WDR43: variants seen among roughly 807,000 people sequenced by gnomAD.
WDR43 encodes WD repeat domain 43.
Under a neutral mutation model 91.4 loss-of-function variants are expected in WDR43, and 13 were observed. The ratio of observed to expected loss-of-function variants is 0.14; its 90% CI spans 0.09 to 0.23. The LOEUF is 0.23. WDR43 is among the 10% of genes least tolerant of loss of function. The pLI, the probability that WDR43 is intolerant of heterozygous loss-of-function variation, is 1.00. For synonymous variants in WDR43, 331 were observed against 287.9 expected, an observed-to-expected ratio of 1.15 and a Z score of -1.51; for missense variants, 780 against 809.4, an observed-to-expected ratio of 0.96 and a Z score of 0.44.
chr2:28,896,229 G>A (rs1373576553), intron 1 of WDR43, among the ~76,000 whole-genome samples: 3 of 152,176 alleles, frequency 2.0e-5, no homozygotes, highest in Non-Finnish European at 4.4e-5. Flanking sequence ...ACGGAGCAGT[G>A]GTTAGGTAGG....
chr2:28,925,011 G>A lies in WDR43; in HGVS notation c.944G>A (p.Cys315Tyr), dbSNP rs1239563378. The A allele has an allele frequency of 6.2e-7, 1 of 1,613,166 alleles. No individual in the cohort carries two copies. Among genetic ancestry groups the A allele is most frequent in the South Asian group, 1.1e-5 (1 of 90,916 alleles). ...GYCKKPLTSNCTIQIATPGKG... is the reference protein window; with the variant it reads ...GYCKKPLTSNYTIQIATPGKG... ...TGCAAAAAGCCTTTGACTTCAAACT[G>A]CACAATTCAGATAGCAACACCTGGG... The change falls in exon 8 of 18, where the codon TGC becomes TAC. Residue 315 changes from cysteine to tyrosine, a missense_variant. This residue lies in a region of WDR43 where 426 missense variants were observed against 467.8 expected (regional missense o/e 0.91). Transcript: ENST00000407426.
At chr2:28,927,853 T>C in intron 10 of WDR43, 153 bp downstream of exon 10, 1 of 1,067,160 alleles carries the variant, frequency 9.4e-7, no homozygotes, top group South Asian at 1.8e-5. Flanking sequence ...CATCATAGAT[T>C]TCATAATTCT....
chr2:28,911,298 CTTTT>C (rs11384391), intron 3 of WDR43, among the ~76,000 whole-genome samples: 1 of 145,094 alleles, frequency 6.9e-6, no homozygotes. Context: ...TTAATAACCT[CTTTT>C]TTTTTTTTTG....
intron 1 of WDR43, among the ~76,000 whole-genome samples, chr2:28,901,446 T>A (rs1173523623): frequency 6.6e-6 from 1 of 152,238 alleles, no homozygotes; most frequent in East Asian, 1.9e-4. Context: ...GCTGCTCTAC[T>A]AGTTAAAGCT....
chr2:28,905,559 C>G (rs1670662725), intron 2 of WDR43, among the ~76,000 whole-genome samples: 2 of 151,848 alleles, frequency 1.3e-5, no homozygotes, highest in Non-Finnish European at 2.9e-5. Context: ...TGATTTTTAC[C>G]TTAAATGCTG....
intron 3 of WDR43, among the ~76,000 whole-genome samples, chr2:28,910,939 G>A (rs1572584982): frequency 6.6e-6 from 1 of 151,826 alleles, no homozygotes. Context: ...CTCAAGTGAT[G>A]CACCTGCCTT....
intron 11 of WDR43, among the ~76,000 whole-genome samples, chr2:28,930,938 C>G (rs1572598810): frequency 6.6e-6 from 1 of 152,106 alleles, no homozygotes; most frequent in East Asian, 1.9e-4. Flanking sequence ...CATAAATATG[C>G]CCCATTCAAC....
rs1408920819 is a variant in WDR43 at position 28,894,836 on chromosome 2, C to T, written c.138C>T (p.Asn46=). 3.1e-6 allele frequency: 5 copies of T among 1,611,100 alleles called. No homozygotes were observed. Among genetic ancestry groups the T allele is most frequent in the African/African-American group, 2.7e-5 (2 of 74,916 alleles). Residue 46 remains asparagine, a synonymous_variant, in exon 1 of 18, where the codon AAC becomes AAT. Transcript: ENST00000407426. The stretch of plus-strand genomic sequence containing the variant: ...TACGAGTATGGGAGACGGCCAACAA[C>T]CGGCTGCACCAGGAGTACGTGCCTT... ...GHLRVWETAN[N]RLHQEYVPSA... is the part of the protein sequence containing the mutation.
At position 28,946,895 on chromosome 2, in the gene WDR43, GTGGATC is replaced by G; in HGVS notation, c.*117_*122del. 8.1e-7 allele frequency: 1 copy of G among 1,236,698 alleles called. No individual in the cohort carries two copies. The highest frequency in any genetic ancestry group is 1.6e-5 in the South Asian group (1 of 61,986). 76.6% of individuals were successfully genotyped at this position (1,236,698 alleles called of 1,614,324 possible). On this transcript the variant is annotated 3_prime_UTR_variant, in exon 18 of 18. Coordinates refer to ENST00000407426, the MANE Select transcript of WDR43 (RefSeq NM_015131.3). ...GCTGCACATTTCCAAATTCACAGCA[GTGGATC>G]CCATGCCACTTTGCTGTCCTGAGCA...
chr2:28,923,897 A>C (rs1671081801), intron 7 of WDR43, among the ~76,000 whole-genome samples: 1 of 152,094 alleles, frequency 6.6e-6, no homozygotes, highest in East Asian at 1.9e-4. Context: ...CAAGCAGAGG[A>C]TTCGATGAGC....
chr2:28,942,819 G>A (rs1383858883), intron 16 of WDR43, among the ~76,000 whole-genome samples: 1 of 151,752 alleles, frequency 6.6e-6, no homozygotes, highest in East Asian at 1.9e-4. Context: ...GTTTCACTAT[G>A]TTGCCCAGGA....
Position 28,947,875 on chromosome 2 carries a change from T to G in WDR43, c.*1096T>G, listed in dbSNP as rs1188706786. 3 of 149,400 alleles carry G rather than the reference T, an allele frequency of 2.0e-5. No homozygotes were observed. Among genetic ancestry groups the G allele is most frequent in the African/African-American group, 7.3e-5 (3 of 41,028 alleles). 9.3% of individuals were successfully genotyped at this position (149,400 alleles called of 1,614,324 possible). On this transcript the variant is annotated 3_prime_UTR_variant, in exon 18 of 18. Coordinates refer to ENST00000407426, the MANE Select transcript of WDR43 (RefSeq NM_015131.3). ...AATTATCAGTAGTAGTTTTTTTTTTTTTTTTTTTTTTTTTAAAGAATGAGC... is the reference window on the plus strand; with the variant it reads ...AATTATCAGTAGTAGTTTTTTTTTTGTTTTTTTTTTTTTTAAAGAATGAGC...
intron 14 of WDR43, among the ~76,000 whole-genome samples, chr2:28,939,282 C>A (rs62132028): frequency 6.6e-6 from 1 of 151,924 alleles, no homozygotes; most frequent in African/African-American, 2.4e-5. Context: ...CAGCAGACAT[C>A]GGATCTTAGG....
intron 8 of WDR43, among the ~76,000 whole-genome samples, chr2:28,926,199 T>C (rs908955809): frequency 1.3e-5 from 2 of 152,184 alleles, no homozygotes; most frequent in East Asian, 1.9e-4. Flanking sequence ...AAAAAATAAA[T>C]GTGAAAAATT....
At chr2:28,898,688 G>T (rs1670525979) in intron 1 of WDR43, among the ~76,000 whole-genome samples, 1 of 151,684 alleles carries the variant, frequency 6.6e-6, no homozygotes, top group Non-Finnish European at 1.5e-5. Flanking sequence ...TTAGTGGATT[G>T]TAACATTAAA....
At position 28,947,803 on chromosome 2, in the gene WDR43, T is replaced by G. The variant is rs1671574017; in HGVS notation, c.*1024T>G. On this transcript the variant is annotated 3_prime_UTR_variant, in exon 18 of 18. Transcript: ENST00000407426. ...TAAAATGATAAGTCTCACTCAAGAT[T>G]TTTTATGTATGTATAAATATTTTGG... is the stretch of plus-strand genomic sequence containing the variant. 1 of 151,754 alleles carries G rather than the reference T, an allele frequency of 6.6e-6. No individual in the cohort carries two copies. The highest frequency in any genetic ancestry group is 6.6e-5 in the Admixed American group (1 of 15,232). The allele number at this position is 151,754 out of a possible 1,614,324, so 9.4% of individuals were successfully genotyped here.
At chr2:28,937,110 G>GT (rs1158392097) in intron 13 of WDR43, among the ~76,000 whole-genome samples, 157 bp downstream of exon 13, 1 of 152,004 alleles carries the variant, frequency 6.6e-6, no homozygotes, top group Non-Finnish European at 1.5e-5. Context: ...TATTCTTAGC[G>GT]TTTTATTATA....
chr2:28,920,197 AAAAAT>A (rs1411269590), intron 6 of WDR43, among the ~76,000 whole-genome samples: 1 of 150,154 alleles, frequency 6.7e-6, no homozygotes, highest in Non-Finnish European at 1.5e-5. Context: ...GACTTTCTGA[AAAAAT>A]AAAAATAAAT....
intron 11 of WDR43, among the ~76,000 whole-genome samples, chr2:28,932,530 A>G (rs1471608918): frequency 6.6e-6 from 1 of 152,210 alleles, no homozygotes; most frequent in Admixed American, 6.5e-5. Context: ...GAGATTATGC[A>G]TTTATATATT....
Sources: allele counts gnomAD v4.1 joint callset (sites outside exome capture counted in the v4.1 genomes callset), GRCh38; gene constraint gnomAD v4.1.1; regional missense constraint gnomAD v4.1.1; transcripts MANE v1.5; gene names NCBI Gene and HGNC (gene_info 2026-07-23, HGNC 2026-07-21).